Variants in DGKD observed in about 807,000 individuals in gnomAD.
DGKD encodes the protein diacylglycerol kinase delta.
In DGKD, 68 loss-of-function variants were observed where a neutral mutation model predicts 154.4. The observed-to-expected ratio is 0.44, with a 90% confidence interval of 0.36 to 0.54. The LOEUF is 0.54. DGKD is among the 20% of genes least tolerant of loss of function. The probability of loss-of-function intolerance (pLI) is 0.00; values close to 1 mark genes in which losing one functional copy is unlikely to be tolerated. For synonymous variants in DGKD, 693 were observed against 638.0 expected (o/e 1.09, Z -1.30); for missense variants, 1,343 against 1,593.6 (o/e 0.84, Z 2.68).
chr2:233,368,516 G>A (rs772238905), intron 1 of DGKD, among the ~76,000 whole-genome samples: 2 of 152,034 alleles, frequency 1.3e-5, no homozygotes, highest in Non-Finnish European at 2.9e-5. Flanking sequence ...CATCAAAAAA[G>A]TGAAAATAAA....
chr2:233,440,289 G>T lies in DGKD; in HGVS notation c.1086-1598G>T, dbSNP rs2062842593. Among the ~76,000 whole-genome samples, 1 of 152,174 alleles carries T rather than the reference G, an allele frequency of 6.6e-6. No homozygotes were observed. Among genetic ancestry groups the T allele is most frequent in the Non-Finnish European group, 1.5e-5 (1 of 68,034 alleles). On this transcript the variant is annotated intron_variant, in intron 9 of 29. Transcript: ENST00000264057. The surrounding 1 kb of genome is among the most constrained non-coding windows in gnomAD (Gnocchi z 4.9). ...CCCGAGAGCAGGGGGCCTTACAGGT[G>T]TCAGTGTTCTGTGTGGAGCCTGGGC...
At chr2:233,462,013 C>G (rs2063660978) in intron 24 of DGKD, among the ~76,000 whole-genome samples, 1 of 152,274 alleles carries the variant, frequency 6.6e-6, no homozygotes, top group African/African-American at 2.4e-5. Context: ...TTGTGCCTTA[C>G]TGCAGCAGTC....
At chr2:233,372,417 C>T (rs951221178) in intron 1 of DGKD, among the ~76,000 whole-genome samples, 1 of 152,100 alleles carries the variant, frequency 6.6e-6, no homozygotes, top group Non-Finnish European at 1.5e-5. Flanking sequence ...AATCCAGTCT[C>T]ATTTGACATT....
intron 2 of DGKD, chr2:233,388,740 CTTTTTTTTTTTTT>C (rs57415272): frequency 5.8e-5 from 4 of 69,280 alleles, no homozygotes; most frequent in African/African-American, 2.3e-4. Flanking sequence ...TATTGAAGTT[CTTTTTTTTTTTTT>C]TTTTTTTTTT....
Position 233,457,512 on chromosome 2 carries a change from G to A in DGKD, c.2580+184G>A. On this transcript the variant is annotated intron_variant, in intron 21 of 29. Coordinates refer to ENST00000264057, the MANE Select transcript of DGKD (RefSeq NM_152879.3). The surrounding 1 kb of genome is among the most constrained non-coding windows in gnomAD (Gnocchi z 5.5). ...CTCATCGTCTAGAGGGCTGAGCAGA[G>A]CAGTTGTGTCAGTGAAGGTGGTCAG... The A allele has an allele frequency of 1.5e-6, 1 of 684,000 alleles. No homozygotes were observed. Among genetic ancestry groups the A allele is most frequent in the Non-Finnish European group, 2.7e-6 (1 of 372,792 alleles). 42.4% of individuals were successfully genotyped at this position (684,000 alleles called of 1,614,324 possible). A position where few individuals can be genotyped will look rare whatever the true frequency, so the allele number is the denominator to read the frequency against.
intron 3 of DGKD, among the ~76,000 whole-genome samples, chr2:233,393,039 C>T (rs767118267): frequency 1.3e-5 from 2 of 151,948 alleles, no homozygotes; most frequent in African/African-American, 4.8e-5. Flanking sequence ...TTTTTTGAGA[C>T]GGAATCTTGC....
chr2:233,410,678 T>G (rs1405981462), intron 3 of DGKD, among the ~76,000 whole-genome samples: 2 of 152,230 alleles, frequency 1.3e-5, no homozygotes, highest in African/African-American at 4.8e-5. Flanking sequence ...CTTTAATGAC[T>G]ATTCTAATAC....
chr2:233,463,669 TCCTCACTCCACGCATCA>T lies in DGKD; in HGVS notation c.3187-466_3187-450del, dbSNP rs568350536. Reference sequence around the variant, plus strand: ...CACGCATGTCCTCACTGCACGCATCTCCTCACTCCACGCATCACCTCACTCCACGCATCACCTCACTC... The same window carrying T: ...CACGCATGTCCTCACTGCACGCATCTCCTCACTCCACGCATCACCTCACTC... On this transcript the variant is annotated intron_variant, in intron 26 of 29. Coordinates refer to ENST00000264057, the MANE Select transcript of DGKD (RefSeq NM_152879.3). 6.1e-3 allele frequency: 1,106 copies of T among 180,066 alleles called. 15 individuals are homozygous for T. Among genetic ancestry groups the T allele is most frequent in the Non-Finnish European group, 9.8e-3 (872 of 89,102 alleles). The allele number at this position is 180,066 out of a possible 1,614,324, so 11.2% of individuals were successfully genotyped here. A position where few individuals can be genotyped will look rare whatever the true frequency, so the allele number is the denominator to read the frequency against.
chr2:233,470,777 C>A lies in DGKD; in HGVS notation c.*1317C>A, dbSNP rs2063986989. On this transcript the variant is annotated 3_prime_UTR_variant, in exon 30 of 30. Transcript: ENST00000264057. ...GCCCTGGTGTGAGGAGGAAATGGCT[C>A]TGGCCTGGCTGCCTGGCCGTGGCTT... 1 of 152,472 alleles carries A rather than the reference C, an allele frequency of 6.6e-6. No homozygotes were observed. Among genetic ancestry groups the A allele is most frequent in the Non-Finnish European group, 1.5e-5 (1 of 68,164 alleles). The allele number at this position is 152,472 out of a possible 1,614,324, so 9.4% of individuals were successfully genotyped here.
chr2:233,431,871 C>T (rs1329576736), intron 3 of DGKD, among the ~76,000 whole-genome samples: 1 of 152,182 alleles, frequency 6.6e-6, no homozygotes, highest in African/African-American at 2.4e-5. Context: ...ACTGTGAAAA[C>T]ACTGGGGAAA....
intron 11 of DGKD, among the ~76,000 whole-genome samples, 182 bp from the exon 12 acceptor site, chr2:233,446,530 T>G (rs924547727): frequency 6.6e-6 from 1 of 152,252 alleles, no homozygotes; most frequent in African/African-American, 2.4e-5. Context: ...CTGCCGTTAG[T>G]TGTGGAGTGC....
intron 19 of DGKD, among the ~76,000 whole-genome samples, chr2:233,456,311 A>C (rs1459989023): frequency 6.6e-6 from 1 of 152,236 alleles, no homozygotes; most frequent in Admixed American, 6.5e-5. Flanking sequence ...GGATGGCCAC[A>C]TCTGCAGAGA....
intron 14 of DGKD, 147 bp downstream of exon 14, chr2:233,448,522 A>G (rs1366808114): frequency 1.4e-6 from 1 of 710,542 alleles, no homozygotes; most frequent in African/African-American, 1.8e-5. Flanking sequence ...GGAAGACAAG[A>G]ATGAAGCAAC....
intron 24 of DGKD, among the ~76,000 whole-genome samples, chr2:233,460,764 C>T (rs752024468): frequency 1.3e-5 from 2 of 152,052 alleles, no homozygotes; most frequent in African/African-American, 4.8e-5. Context: ...TGGTGGCGGG[C>T]GCCTGTAGTC....
At chr2:233,451,232 A>C (rs1311794200) in intron 17 of DGKD, among the ~76,000 whole-genome samples, 182 bp downstream of exon 17, 1 of 151,880 alleles carries the variant, frequency 6.6e-6, no homozygotes, top group African/African-American at 2.4e-5. Context: ...AAAACAAAAA[A>C]CAAAAAACAA....
chr2:233,469,537 T>TCC lies in DGKD; in HGVS notation c.*77_*78insCC. 1 of 1,278,322 alleles carries TCC rather than the reference T, an allele frequency of 7.8e-7. No homozygotes were observed. Among genetic ancestry groups the TCC allele is most frequent in the Non-Finnish European group, 1.1e-6 (1 of 907,558 alleles). The allele number at this position is 1,278,322 out of a possible 1,614,324, so 79.2% of individuals were successfully genotyped here. A position where few individuals can be genotyped will look rare whatever the true frequency, so the allele number is the denominator to read the frequency against. On this transcript the variant is annotated 3_prime_UTR_variant, in exon 30 of 30. Coordinates refer to ENST00000264057, the MANE Select transcript of DGKD (RefSeq NM_152879.3). ...CTCCGCCCTCTCAGCCTGTGGCCTC[T>TCC]GCGCCTCCTGCCACTGAGGCCCTGG... is the stretch of plus-strand genomic sequence containing the variant.
At chr2:233,468,218 A>G (rs1349804501) in intron 28 of DGKD, among the ~76,000 whole-genome samples, 3 of 142,882 alleles carry the variant, frequency 2.1e-5, no homozygotes, top group South Asian at 2.4e-4. Flanking sequence ...CTGCTGGGCT[A>G]TCTCAGGCAC....
At chr2:233,404,599 C>CT (rs1397100003) in intron 3 of DGKD, among the ~76,000 whole-genome samples, 1 of 152,130 alleles carries the variant, frequency 6.6e-6, no homozygotes, top group African/African-American at 2.4e-5. Context: ...CTTCTATTTA[C>CT]TTTACACCAT....
chr2:233,424,313 A>G (rs1210635462), intron 3 of DGKD, among the ~76,000 whole-genome samples: 1 of 152,220 alleles, frequency 6.6e-6, no homozygotes, highest in Admixed American at 6.5e-5. Context: ...GTTGGACAGG[A>G]CATAGCCATT....
Sources: gnomAD v4.1 joint callset for allele counts (sites outside exome capture counted in the v4.1 genomes callset) on GRCh38, gnomAD v4.1.1 for gene constraint, Gnocchi (gnomAD v3.1) non-coding constraint, MANE v1.5 for transcripts, NCBI Gene and HGNC (gene_info 2026-07-23, HGNC 2026-07-21) for gene names.